The following CHRNA6 variants were observed in gnomAD, a reference collection of about 807,000 sequenced individuals.
CHRNA6 encodes the protein neuronal acetylcholine receptor subunit alpha-6.
CHRNA6 carries 31 observed loss-of-function variants against 40.9 expected under a neutral mutation model. The observed-to-expected ratio is 0.76, with a 90% CI of 0.57 to 1.02. The LOEUF is 1.02. CHRNA6 is among the 50% of genes least tolerant of loss of function. The pLI is 0.00. For synonymous variants in CHRNA6, 222 were observed against 221.3 expected (o/e 1.00, Z -0.03); for missense variants, 546 against 596.6 (o/e 0.92, Z 0.88).
intron 2 of CHRNA6, among the ~76,000 whole-genome samples, chr8:42,760,306 TCATA>T (rs1003952935): frequency 6.9e-6 from 1 of 144,652 alleles, no homozygotes; most frequent in Non-Finnish European, 1.5e-5. Flanking sequence ...CACGGTACTC[TCATA>T]CACACTCATG....
At chr8:42,758,304 G>T (rs1816840812) in intron 3 of CHRNA6, among the ~76,000 whole-genome samples, 2 of 151,378 alleles carry the variant, frequency 1.3e-5, no homozygotes, top group African/African-American at 4.9e-5. Flanking sequence ...ATGATGATAA[G>T]CTTTGAATTA....
In CHRNA6 at chr8:42,756,726, C is replaced by G. The variant is rs773288237; in HGVS notation, c.473G>C (p.Cys158Ser). 6.2e-7 allele frequency: 1 copy of G among 1,614,022 alleles called. No individual in the cohort carries two copies. The highest frequency in any genetic ancestry group is 8.5e-7 in the Non-Finnish European group (1 of 1,180,020). Residue 158 changes from cysteine (C) to serine (S), a missense_variant, in exon 5 of 6, where the codon TGC becomes TCC. Physicochemically the swap from Cys to Ser is moderately radical, Grantham distance 112. Coordinates refer to ENST00000276410, the MANE Select transcript of CHRNA6 (RefSeq NM_004198.3). ...AGGGAAAAAGGTGATATCCATAGGG[C>G]AGGAACTCTTAAAAATAGCTGGTGG... Reference protein sequence around the residue: ...WTPPAIFKSSCPMDITFFPFD... With the variant: ...WTPPAIFKSSSPMDITFFPFD...
chr8:42,765,113 G>T lies in CHRNA6; in HGVS notation c.171C>A (p.Asp57Glu). 1 of 1,614,208 alleles carries T rather than the reference G, an allele frequency of 6.2e-7. No homozygotes were observed. The highest frequency in any genetic ancestry group is 8.5e-7 in the Non-Finnish European group (1 of 1,180,022). The change falls in exon 2 of 6, where the codon GAC (aspartate) becomes GAA (glutamate). Residue 57 changes from aspartate to glutamate, a missense_variant. By Grantham distance (45) the Asp-to-Glu change is conservative (BLOSUM62 2). Around this residue, in one of 3 missense-constraint regions of CHRNA6, gnomAD observed 476 missense variants for 494.5 expected, o/e 0.96. Transcript: ENST00000276410. ...CCACTTCAAAGTGTACCGTGACAGG[G>T]TCGGAAACGTTTTCCACAGGCCTGA... ...QFIRPVENVS[D>E]PVTVHFEVAI...
chr8:42,755,572 C>T (rs1407736222), intron 5 of CHRNA6, among the ~76,000 whole-genome samples: 1 of 152,142 alleles, frequency 6.6e-6, no homozygotes, highest in African/African-American at 2.4e-5. Flanking sequence ...CCACCACGCC[C>T]GGCCCTGAAT....
chr8:42,760,479 TACTC>T lies in CHRNA6; in HGVS notation c.220-1370_220-1367del, dbSNP rs562248430. 3.0e-3 allele frequency among the ~76,000 whole-genome samples: 447 copies of T among 151,294 alleles called. 2 individuals are homozygous for T. Among genetic ancestry groups the T allele is most frequent in the Middle Eastern group, 3.5e-3 (1 of 286 alleles). On this transcript the variant is annotated intron_variant, in intron 2 of 5. Coordinates refer to ENST00000276410, the MANE Select transcript of CHRNA6 (RefSeq NM_004198.3). ...ACACTCATACACACACACTGGTGCA[TACTC>T]ACTCATGCACATGCACTCACTCATG... is the stretch of plus-strand genomic sequence containing the variant.
At chr8:42,762,216 G>A (rs1816913936) in intron 2 of CHRNA6, among the ~76,000 whole-genome samples, 2 of 152,170 alleles carry the variant, frequency 1.3e-5, no homozygotes, top group African/African-American at 4.8e-5. Flanking sequence ...CACAGCTATT[G>A]CACTCCTGGG....
chr8:42,762,486 T>C (rs901148996), intron 2 of CHRNA6, among the ~76,000 whole-genome samples: 1 of 151,986 alleles, frequency 6.6e-6, no homozygotes, highest in Non-Finnish European at 1.5e-5. Context: ...CCGTCTCTAC[T>C]AAAAATACAA....
intron 2 of CHRNA6, among the ~76,000 whole-genome samples, chr8:42,759,842 G>A (rs1816869511): frequency 6.6e-6 from 1 of 150,396 alleles, no homozygotes; most frequent in Non-Finnish European, 1.5e-5. Flanking sequence ...GGAGGTTGCA[G>A]TGAGCGGAGA....
Position 42,756,053 on chromosome 8 carries a change from C to G in CHRNA6, c.1146G>C (p.Lys382Asn). 2.5e-6 allele frequency: 4 copies of G among 1,614,252 alleles called. No homozygotes were observed. The highest frequency in any genetic ancestry group is 3.4e-6 in the Non-Finnish European group (4 of 1,180,022). The change falls in exon 5 of 6, where the codon AAG (lysine) becomes AAC (asparagine). Residue 382 changes from lysine to asparagine, a missense_variant. Coordinates refer to ENST00000276410, the MANE Select transcript of CHRNA6 (RefSeq NM_004198.3). The part of the protein sequence containing the change: ...RGLARRPAKG[K>N]LASHGEPRHL... ...GTCTGGGTTCCCCATGGCTTGCAAGCTTGCCTTTGGCAGGCCTCCTGGCAA... is the reference window on the plus strand; with the variant it reads ...GTCTGGGTTCCCCATGGCTTGCAAGGTTGCCTTTGGCAGGCCTCCTGGCAA...
Position 42,768,583 on chromosome 8 carries a change from C to G in CHRNA6, c.-153G>C, listed in dbSNP as rs1817003577. ...AGAAATCAAAACATCCCCGGGACTT[C>G]ACACGGTTATTACCAGGATCAGAGA... is the stretch of plus-strand genomic sequence containing the variant. On this transcript the variant is annotated 5_prime_UTR_variant, in exon 1 of 6. An upstream open reading frame in the 5' UTR loses its in-frame stop. Coordinates refer to ENST00000276410, the MANE Select transcript of CHRNA6 (RefSeq NM_004198.3). The G allele has an allele frequency of 1.7e-6, 1 of 588,366 alleles. No individual in the cohort carries two copies. Among genetic ancestry groups the G allele is most frequent in the African/African-American group, 1.9e-5 (1 of 53,974 alleles). The allele number at this position is 588,366 out of a possible 1,614,324, so 36.4% of individuals were successfully genotyped here.
intron 1 of CHRNA6, 125 bp downstream of exon 1, chr8:42,768,227 C>T: frequency 1.1e-5 from 7 of 650,764 alleles, no homozygotes; most frequent in Non-Finnish European, 1.9e-5. Flanking sequence ...GCAGTTGTAA[C>T]AGTGGTGGCT....
chr8:42,753,310 C>G lies in CHRNA6; in HGVS notation c.1354G>C (p.Val452Leu), dbSNP rs1243967511. ...GCCACGTATTTCCAGTCATCTTCTACCTGAAATGCAAACAAAAATTAAGAG... is the reference window on the plus strand; with the variant it reads ...GCCACGTATTTCCAGTCATCTTCTAGCTGAAATGCAAACAAAAATTAAGAG... ...NMKSHNETKE[V>L]EDDWKYVAMV... Residue 452 changes from valine (V) to leucine (L), a missense_variant and splice_region_variant, in exon 6 of 6, where the codon GTA becomes CTA. Val to Leu is a conservative substitution (Grantham distance 32, BLOSUM62 1). This residue lies in a region of CHRNA6 where 65 missense variants were observed against 83.8 expected (regional missense o/e 0.78). Transcript: ENST00000276410. 1 of 1,597,886 alleles carries G rather than the reference C, an allele frequency of 6.3e-7. No homozygotes were observed. The highest frequency in any genetic ancestry group is 1.4e-5 in the African/African-American group (1 of 73,726).
chr8:42,768,072 G>A (rs1348373719), intron 1 of CHRNA6, among the ~76,000 whole-genome samples: 1 of 152,094 alleles, frequency 6.6e-6, no homozygotes, highest in Non-Finnish European at 1.5e-5. Flanking sequence ...AGCCACAGGG[G>A]AGATGAATAG....
intron 2 of CHRNA6, among the ~76,000 whole-genome samples, chr8:42,761,284 C>G (rs930943787): frequency 2.0e-5 from 3 of 152,222 alleles, no homozygotes; most frequent in African/African-American, 7.2e-5. Flanking sequence ...ATTGGTCAAC[C>G]AATTCATGGC....
chr8:42,757,875 TA>T (rs1222389730), intron 3 of CHRNA6, among the ~76,000 whole-genome samples: 7 of 139,290 alleles, frequency 5.0e-5, no homozygotes, highest in African/African-American at 1.9e-4. Flanking sequence ...CTACTAAAAA[TA>T]CAAAAAAAAT....
In CHRNA6 at chr8:42,756,620, T is replaced by G; in HGVS notation, c.579A>C (p.Ser193=). The change falls in exon 5 of 6, where the codon TCA becomes TCC. Residue 193 remains serine (S), a synonymous_variant. Transcript: ENST00000276410. ...KAEIDLLIIG[S]KVDMNDFWEN... Reference sequence around the variant, plus strand: ...CCCAAAAATCATTCATATCCACTTTTGATCCAATGATTAGAAGATCAATTT... The same window carrying G: ...CCCAAAAATCATTCATATCCACTTTGGATCCAATGATTAGAAGATCAATTT... The G allele has an allele frequency of 1.2e-6, 2 of 1,614,192 alleles. No homozygotes were observed. The highest frequency in any genetic ancestry group is 1.7e-6 in the Non-Finnish European group (2 of 1,180,028).
At position 42,764,823 on chromosome 8, in the gene CHRNA6, C is replaced by T. The variant is rs561722075; in HGVS notation, c.219+242G>A. The T allele has an allele frequency of 1.3e-4, 62 of 495,252 alleles. 1 individual carries two copies. The East Asian group carries it at 1.9e-3, about 15-fold the overall frequency. The allele number at this position is 495,252 out of a possible 1,614,324, so 30.7% of individuals were successfully genotyped here. ...TAATGGGTGCCCCGTGAAGTTAGCT[C>T]CCTTTCACTCCCCTGCAACTCTTTG... is the stretch of plus-strand genomic sequence containing the variant. On this transcript the variant is annotated intron_variant, in intron 2 of 5. Coordinates refer to ENST00000276410, the MANE Select transcript of CHRNA6 (RefSeq NM_004198.3).
chr8:42,765,830 T>G (rs982833750), intron 1 of CHRNA6, among the ~76,000 whole-genome samples: 1 of 152,154 alleles, frequency 6.6e-6, no homozygotes. Flanking sequence ...TCAACAACAC[T>G]GATCATTAGA....
At chr8:42,758,392 G>A (rs1444481177) in intron 3 of CHRNA6, among the ~76,000 whole-genome samples, 1 of 150,266 alleles carries the variant, frequency 6.7e-6, no homozygotes, top group Non-Finnish European at 1.5e-5. Context: ...ACAGAGTCTC[G>A]CTCTGTTGCC....
Sources: allele counts gnomAD v4.1 joint callset (sites outside exome capture counted in the v4.1 genomes callset), GRCh38; gene constraint gnomAD v4.1.1; regional missense constraint gnomAD v4.1.1; transcripts MANE v1.5; gene names NCBI Gene and HGNC (gene_info 2026-07-23, HGNC 2026-07-21).